RPH3AL: variants seen among roughly 807,000 people sequenced by gnomAD.
RPH3AL encodes the protein rabphilin 3A like (without C2 domains), also known as rab effector Noc2.
RPH3AL carries 38 observed loss-of-function variants against 43.1 expected under a neutral mutation model. The observed-to-expected ratio is 0.88, with a 90% CI of 0.68 to 1.15. The LOEUF is 1.15. Among genes scored for constraint, RPH3AL ranks in the 50% most tolerant of loss-of-function variants. The pLI, the probability that RPH3AL is intolerant of heterozygous loss-of-function variation, is 0.00. For missense variants in RPH3AL, 462 were observed against 423.2 expected (o/e 1.09, Z -0.81); for synonymous variants, 189 against 176.3 (o/e 1.07, Z -0.57).
rs570952409 is a variant in RPH3AL, at chr17:259,070, C to T, written c.439-11785G>A. ...CTCTGTGGGCAGGACCATGAGCACC[C>T]GATGGATCATTCCCTGTGAGTTCAT... On this transcript the variant is annotated intron_variant, in intron 6 of 9. Transcript: ENST00000331302. Among the ~76,000 whole-genome samples, 22 of 152,280 alleles carry T rather than the reference C, an allele frequency of 1.4e-4. No individual in the cohort carries two copies. In the South Asian group the frequency reaches 2.9e-3, roughly 20 times the overall value.
rs559939841 is a variant in RPH3AL at position 309,446 on chromosome 17, G to A, written c.351+9974C>T. 7.0e-4 allele frequency among the ~76,000 whole-genome samples: 106 copies of A among 151,014 alleles called. 8 individuals are homozygous for A. Among genetic ancestry groups the A allele is most frequent in the Non-Finnish European group, 2.4e-4 (16 of 67,750 alleles). On this transcript the variant is annotated intron_variant, in intron 5 of 9. Coordinates refer to ENST00000331302, the MANE Select transcript of RPH3AL (RefSeq NM_006987.4). ...GCCCCCTGCTGGGGGTCCGGGATACGGCACATCCCTTGTCCAGGGCTCCTG... is the reference window on the plus strand; with the variant it reads ...GCCCCCTGCTGGGGGTCCGGGATACAGCACATCCCTTGTCCAGGGCTCCTG...
intron 5 of RPH3AL, among the ~76,000 whole-genome samples, chr17:301,116 A>T (rs2043317913): frequency 6.6e-6 from 1 of 152,198 alleles, no homozygotes; most frequent in Non-Finnish European, 1.5e-5. Context: ...GCTGGGTGCT[A>T]CCTCTCACTC....
At chr17:315,175 ATTCAC>A (rs1567509369) in intron 5 of RPH3AL, among the ~76,000 whole-genome samples, 4 of 69,080 alleles carry the variant, frequency 5.8e-5, no homozygotes, top group Non-Finnish European at 5.4e-5. Context: ...CCCCACCTCC[ATTCAC>A]CTGTAGTCCC....
chr17:333,165 TTCGTC>T lies in RPH3AL; in HGVS notation c.-37+589_-37+593del. 8.4e-7 allele frequency: 1 copy of T among 1,195,104 alleles called. No homozygotes were observed. The highest frequency in any genetic ancestry group is 1.1e-6 in the Non-Finnish European group (1 of 940,184). 74.0% of individuals were successfully genotyped at this position (1,195,104 alleles called of 1,614,324 possible). On this transcript the variant is annotated intron_variant, in intron 2 of 9. Transcript: ENST00000331302. This position sits in a 1 kb window ranked among gnomAD's most constrained non-coding sequence, Gnocchi z 4.5. ...CCATTAGAGCTCACCACCCCGGGCG[TTCGTC>T]ACTGCAGACATCACTGCAGACACAG...
At chr17:351,748 A>G (rs996855169) in intron 1 of RPH3AL, among the ~76,000 whole-genome samples, 6 of 152,238 alleles carry the variant, frequency 3.9e-5, no homozygotes, top group African/African-American at 1.2e-4. Flanking sequence ...AGGAAACTGT[A>G]TATCTCCACC....
chr17:319,208 G>A (rs1190913324), intron 5 of RPH3AL, among the ~76,000 whole-genome samples: 1 of 152,194 alleles, frequency 6.6e-6, no homozygotes, highest in Non-Finnish European at 1.5e-5. Context: ...TACCAGAAGG[G>A]CTAGAAGATG....
chr17:320,329 C>A (rs1458191799), intron 4 of RPH3AL, among the ~76,000 whole-genome samples: 1 of 152,026 alleles, frequency 6.6e-6, no homozygotes, highest in Non-Finnish European at 1.5e-5. Flanking sequence ...TGCCATCTGG[C>A]CTGTCTTTCC....
intron 5 of RPH3AL, among the ~76,000 whole-genome samples, chr17:286,975 C>CCG: frequency 1.7e-5 from 1 of 59,010 alleles, no homozygotes; most frequent in South Asian, 6.7e-4. Flanking sequence ...ACCCTCTCTC[C>CCG]ACCGTCAGAC....
intron 6 of RPH3AL, among the ~76,000 whole-genome samples, chr17:252,201 C>A (rs1265615494): frequency 1.3e-5 from 2 of 152,050 alleles, no homozygotes; most frequent in Non-Finnish European, 2.9e-5. Flanking sequence ...TCTCTAACTC[C>A]TGGGCTCAAG....
chr17:218,243 C>T (rs796760667), intron 8 of RPH3AL, among the ~76,000 whole-genome samples: 57 of 80,492 alleles, frequency 7.1e-4, no homozygotes, highest in African/African-American at 2.1e-3. Flanking sequence ...ATTTCGTTCC[C>T]ATCTGGGGCA....
rs1422223502 is a variant in RPH3AL, at chr17:319,621, C to T, written c.222-72G>A. On this transcript the variant is annotated intron_variant, in intron 4 of 9. Coordinates refer to ENST00000331302, the MANE Select transcript of RPH3AL (RefSeq NM_006987.4). ...GCACAGTTGCACTGAGGCCCGAAAC[C>T]GTACCATGCCACATGTGCTGTCCCC... The T allele has an allele frequency of 1.6e-5, 25 of 1,568,440 alleles. No homozygotes were observed. In the Admixed American group the frequency reaches 2.0e-4, roughly 13 times the overall value.
intron 5 of RPH3AL, among the ~76,000 whole-genome samples, chr17:316,035 G>C (rs1309910306): frequency 2.3e-5 from 2 of 86,292 alleles, no homozygotes; most frequent in South Asian, 3.3e-4. Context: ...CACCTCCATT[G>C]ACCTGTAGTC....
chr17:215,769 G>A lies in RPH3AL; in HGVS notation c.761C>T (p.Thr254Ile), dbSNP rs1264376543. ...CCCAGAGAGGTGGCCCGGCGGGTGG[G>A]TGAACCCCATCCTGGGGGCCTCCAC... is the stretch of plus-strand genomic sequence containing the variant. The part of the protein sequence containing the change: ...GSVEAPRMGF[T>I]HPPGHLSGCQ... Residue 254 changes from threonine to isoleucine, a missense_variant, in exon 9 of 10, where the codon ACC (threonine) becomes ATC (isoleucine). Thr to Ile is a moderately conservative substitution (Grantham distance 89). Transcript: ENST00000331302. The surrounding 1 kb of genome is among the most constrained non-coding windows in gnomAD (Gnocchi z 4.1). 7.6e-7 allele frequency: 1 copy of A among 1,307,628 alleles called. No individual in the cohort carries two copies. The highest frequency in any genetic ancestry group is 9.8e-7 in the Non-Finnish European group (1 of 1,024,962). The allele number at this position is 1,307,628 out of a possible 1,614,324, so 81.0% of individuals were successfully genotyped here.
chr17:320,644 A>C (rs1047906445), intron 4 of RPH3AL, among the ~76,000 whole-genome samples: 4 of 151,588 alleles, frequency 2.6e-5, no homozygotes, highest in Admixed American at 1.3e-4. Context: ...GTCCCCCCCA[A>C]AAAAAAAAGA....
intron 6 of RPH3AL, among the ~76,000 whole-genome samples, chr17:277,270 G>C (rs1297098877): frequency 6.6e-6 from 1 of 152,020 alleles, no homozygotes; most frequent in Non-Finnish European, 1.5e-5. Context: ...ATAATATAAA[G>C]AAAAAAGACA....
At chr17:343,224 C>A (rs1192812068) in intron 1 of RPH3AL, among the ~76,000 whole-genome samples, 1 of 152,180 alleles carries the variant, frequency 6.6e-6, no homozygotes, top group Non-Finnish European at 1.5e-5. Flanking sequence ...CTCAGGGAAG[C>A]AGAAGATGCA....
chr17:307,299 ACGG>A (rs1567634018), intron 5 of RPH3AL, among the ~76,000 whole-genome samples: 41 of 2,720 alleles, frequency 0.015, no homozygotes, highest in Middle Eastern at 0.25. Flanking sequence ...GGTCCATCCC[ACGG>A]CAGGTCCTCC....
chr17:315,655 T>TC (rs2044027994), intron 5 of RPH3AL, among the ~76,000 whole-genome samples: 1 of 136,928 alleles, frequency 7.3e-6, no homozygotes. Context: ...GTCCCTGTGC[T>TC]CCACCTCCAC....
rs151325772 is a variant in RPH3AL, at chr17:244,023, T to C, written c.613+3088A>G. ...CTATTGATTACCCTTCCTCTATTGA[T>C]TACCTTCCTCTATTACTTTCCTCTA... On this transcript the variant is annotated intron_variant, in intron 7 of 9. Transcript: ENST00000331302. Among the ~76,000 whole-genome samples the C allele has an allele frequency of 6.3e-3, 945 of 150,708 alleles. 17 individuals are homozygous for C. Among genetic ancestry groups the C allele is most frequent in the African/African-American group, 0.022 (894 of 40,954 alleles).
Sources: gnomAD v4.1 joint callset for allele counts (sites outside exome capture counted in the v4.1 genomes callset) on GRCh38, gnomAD v4.1.1 for gene constraint, Gnocchi (gnomAD v3.1) non-coding constraint, MANE v1.5 for transcripts, NCBI Gene and HGNC (gene_info 2026-07-23, HGNC 2026-07-21) for gene names.